YTHDC2: variants seen among roughly 807,000 people sequenced by gnomAD.
YTHDC2 encodes the protein 3'-5' RNA helicase YTHDC2.
A neutral mutation model predicts 174.9 loss-of-function variants in YTHDC2; 45 were observed. The observed-to-expected ratio is 0.26, with a 90% confidence interval of 0.20 to 0.33. The LOEUF (loss-of-function observed/expected upper bound fraction) is 0.33. Among genes scored for constraint, YTHDC2 ranks in the 10% least tolerant of loss-of-function variants. The pLI, the probability that YTHDC2 is intolerant of heterozygous loss-of-function variation, is 1.00. For synonymous variants in YTHDC2, 657 were observed against 574.5 expected (o/e 1.14, Z -2.05); for missense variants, 1,650 against 1,723.7 (o/e 0.96, Z 0.76).
chr5:113,523,978 A>T (rs750564582), intron 2 of YTHDC2, among the ~76,000 whole-genome samples: 87 of 152,120 alleles, frequency 5.7e-4, no homozygotes, highest in Non-Finnish European at 1.5e-4. Flanking sequence ...ATTGTTTCTG[A>T]CTATAATAAT....
chr5:113,580,940 T>A (rs367784632), intron 24 of YTHDC2, among the ~76,000 whole-genome samples: 2 of 152,198 alleles, frequency 1.3e-5, no homozygotes, highest in Non-Finnish European at 2.9e-5. Context: ...CTTACTCTTA[T>A]CTTCTTACTC....
intron 10 of YTHDC2, among the ~76,000 whole-genome samples, chr5:113,543,732 A>G (rs1775644166): frequency 6.6e-6 from 1 of 152,148 alleles, no homozygotes; most frequent in Non-Finnish European, 1.5e-5. Context: ...ATTTTTTGCC[A>G]CTTGCCTCCT....
At chr5:113,554,956 T>C (rs1230118989) in intron 16 of YTHDC2, among the ~76,000 whole-genome samples, 1 of 152,026 alleles carries the variant, frequency 6.6e-6, no homozygotes, top group East Asian at 1.9e-4. Flanking sequence ...AGTAATTGCC[T>C]TATGTTTTCA....
At chr5:113,546,623 T>G (rs138632398) in intron 10 of YTHDC2, among the ~76,000 whole-genome samples, 134 of 152,340 alleles carry the variant, frequency 8.8e-4, no homozygotes, top group African/African-American at 3.0e-3. Context: ...TTACTGTATC[T>G]ATTGCTGCAT....
intron 26 of YTHDC2, among the ~76,000 whole-genome samples, chr5:113,589,395 T>TAA (rs1156968093): frequency 0.037 from 4,265 of 114,366 alleles, 194 homozygotes; most frequent in African/African-American, 0.086. Flanking sequence ...TTTTAAAAAT[T>TAA]AAAAAAAAAA....
At chr5:113,524,674 T>A (rs1774092976) in intron 2 of YTHDC2, among the ~76,000 whole-genome samples, 1 of 152,146 alleles carries the variant, frequency 6.6e-6, no homozygotes, top group Non-Finnish European at 1.5e-5. Flanking sequence ...TGTATCATAT[T>A]AACTGGTGAT....
At chr5:113,572,197 T>A (rs1777767543) in intron 23 of YTHDC2, among the ~76,000 whole-genome samples, 1 of 152,208 alleles carries the variant, frequency 6.6e-6, no homozygotes. Flanking sequence ...TCAAATAACT[T>A]CTTGATTTCT....
intron 12 of YTHDC2, 152 bp from the exon 13 acceptor site, chr5:113,553,029 T>G: frequency 1.3e-6 from 1 of 772,758 alleles, no homozygotes. Context: ...TTGAATAATG[T>G]GCTTGAAATC....
intron 16 of YTHDC2, among the ~76,000 whole-genome samples, chr5:113,555,419 C>G (rs2112681257): frequency 6.6e-6 from 1 of 152,112 alleles, no homozygotes; most frequent in East Asian, 1.9e-4. Context: ...TCTAGTTAGG[C>G]TTGTATTTCT....
chr5:113,546,798 G>C (rs1775914025), intron 10 of YTHDC2, among the ~76,000 whole-genome samples: 1 of 152,174 alleles, frequency 6.6e-6, no homozygotes, highest in Non-Finnish European at 1.5e-5. Flanking sequence ...GGTTTTTGGG[G>C]CTGGAGAGTA....
At chr5:113,535,059 C>T (rs1229635812) in intron 6 of YTHDC2, among the ~76,000 whole-genome samples, 1 of 152,046 alleles carries the variant, frequency 6.6e-6, no homozygotes, top group East Asian at 1.9e-4. Flanking sequence ...TTAAATTGGA[C>T]TTTACTTATA....
chr5:113,570,330 C>G (rs1343617215), intron 23 of YTHDC2, among the ~76,000 whole-genome samples: 39 of 152,118 alleles, frequency 2.6e-4, no homozygotes, highest in Admixed American at 2.6e-3. Context: ...CTCCAGACCT[C>G]AAGGTGATCC....
At position 113,563,416 on chromosome 5, in the gene YTHDC2, C is replaced by A; in HGVS notation, c.2366C>A (p.Pro789His). The change falls in exon 19 of 30, where the codon CCC (proline) becomes CAC (histidine). Residue 789 changes from proline (P) to histidine (H), a missense_variant. By Grantham distance (77) the Pro-to-His change is moderately conservative (BLOSUM62 -2). Transcript: ENST00000161863. ...HTKLLAPVNC[P>H]IADFLMKAPE... ...AAGCTGTTAGCCCCAGTTAATTGTC[C>A]CATTGCTGATTTTCTTATGAAAGCT... is the stretch of plus-strand genomic sequence containing the variant. The A allele has an allele frequency of 6.2e-7, 1 of 1,610,554 alleles. No individual in the cohort carries two copies. Among genetic ancestry groups the A allele is most frequent in the Non-Finnish European group, 8.5e-7 (1 of 1,177,916 alleles).
intron 10 of YTHDC2, among the ~76,000 whole-genome samples, chr5:113,542,782 G>A (rs1255693708): frequency 6.6e-6 from 1 of 152,158 alleles, no homozygotes; most frequent in Non-Finnish European, 1.5e-5. Context: ...GCTGTTATGT[G>A]TATGTGTTGT....
At chr5:113,543,352 A>G (rs1380914309) in intron 10 of YTHDC2, among the ~76,000 whole-genome samples, 2 of 152,222 alleles carry the variant, frequency 1.3e-5, no homozygotes, top group African/African-American at 4.8e-5. Flanking sequence ...GCAGCAAAGC[A>G]TACAGAAAGT....
chr5:113,564,245 T>C, intron 20 of YTHDC2, 114 bp downstream of exon 20: 1 of 1,213,104 alleles, frequency 8.2e-7, no homozygotes, highest in Non-Finnish European at 1.1e-6. Flanking sequence ...TAATTTTGTT[T>C]CATTATGAAG....
At position 113,593,619 on chromosome 5, in the gene YTHDC2, A is replaced by AT. The variant is rs1470589440; in HGVS notation, c.*146dup. On this transcript the variant is annotated 3_prime_UTR_variant, in exon 30 of 30. Coordinates refer to ENST00000161863, the MANE Select transcript of YTHDC2 (RefSeq NM_022828.5). ...GTTGCTTTAGAACTACCATCTTCAT[A>AT]TACAGGAGAAAGGAAGCATTTAAAT... 1.8e-5 allele frequency: 6 copies of AT among 328,110 alleles called. No homozygotes were observed. Among genetic ancestry groups the AT allele is most frequent in the African/African-American group, 1.3e-4 (6 of 47,842 alleles). 20.3% of individuals were successfully genotyped at this position (328,110 alleles called of 1,614,324 possible).
chr5:113,543,470 T>TC (rs1775624850), intron 10 of YTHDC2, among the ~76,000 whole-genome samples: 1 of 152,132 alleles, frequency 6.6e-6, no homozygotes, highest in South Asian at 2.1e-4. Flanking sequence ...TACATTTCAC[T>TC]CCCCCTACTG....
At chr5:113,581,383 A>C in intron 24 of YTHDC2, 34 bp from the exon 25 acceptor site, 2 of 1,522,444 alleles carry the variant, frequency 1.3e-6, no homozygotes, top group Non-Finnish European at 1.8e-6. Flanking sequence ...CATATGTGAT[A>C]TTCATTTGCT....
Sources: gnomAD v4.1 joint callset for allele counts (sites outside exome capture counted in the v4.1 genomes callset) on GRCh38, gnomAD v4.1.1 for gene constraint, MANE v1.5 for transcripts, NCBI Gene and HGNC (gene_info 2026-07-23, HGNC 2026-07-21) for gene names.